DCAF5: variants seen among roughly 807,000 people sequenced by gnomAD.
DCAF5 encodes the protein DDB1 and CUL4 associated factor 5, also known as DDB1- and CUL4-associated factor 5.
A neutral mutation model predicts 80.7 loss-of-function variants in DCAF5; 9 were observed. The ratio of observed to expected loss-of-function variants is 0.11; its 90% CI spans 0.07 to 0.19. The LOEUF is 0.19. Ranked by LOEUF, DCAF5 falls within the 10% of genes least tolerant of loss-of-function variation. The pLI, the probability that DCAF5 is intolerant of heterozygous loss-of-function variation, is 1.00. For missense variants in DCAF5, 842 were observed against 1,205.7 expected (o/e 0.70, Z 4.47); for synonymous variants, 433 against 461.9 (o/e 0.94, Z 0.80).
intron 1 of DCAF5, among the ~76,000 whole-genome samples, chr14:69,146,569 G>C (rs767799579): frequency 7.3e-5 from 11 of 151,662 alleles, no homozygotes; most frequent in African/African-American, 1.2e-4. Flanking sequence ...TAGCAAACCA[G>C]AGGAAAAAAA....
chr14:69,127,395 C>T lies in DCAF5; in HGVS notation c.215-5035G>A, dbSNP rs114099921. Among the ~76,000 whole-genome samples, 192 of 152,264 alleles carry T rather than the reference C, an allele frequency of 1.3e-3. 1 individual carries two copies. The highest frequency in any genetic ancestry group is 4.4e-3 in the African/African-American group (183 of 41,558). ...AATGAAAAAAGCCAATCTGAAAAGG[C>T]TACATACTGTATGACTTCAACTCTA... On this transcript the variant is annotated intron_variant, in intron 1 of 8. Coordinates refer to ENST00000341516, the MANE Select transcript of DCAF5 (RefSeq NM_003861.3).
In DCAF5 at chr14:69,053,787, G is replaced by C. The variant is rs189780129; in HGVS notation, c.*70C>G. ...TTAATACTTGTTTTTCCTTTCCTCT[G>C]TATTCACTAAACAATTTTTTTTTTT... On this transcript the variant is annotated 3_prime_UTR_variant, in exon 9 of 9. Coordinates refer to ENST00000341516, the MANE Select transcript of DCAF5 (RefSeq NM_003861.3). 184 of 1,438,408 alleles carry C rather than the reference G, an allele frequency of 1.3e-4. No individual in the cohort carries two copies. In the East Asian group the frequency reaches 3.7e-3, roughly 29 times the overall value. The allele number at this position is 1,438,408 out of a possible 1,614,324, so 89.1% of individuals were successfully genotyped here.
intron 1 of DCAF5, among the ~76,000 whole-genome samples, chr14:69,126,131 G>T (rs1488226660): frequency 3.5e-5 from 5 of 142,956 alleles, no homozygotes; most frequent in Admixed American, 2.8e-4. Flanking sequence ...CAAAATCAAA[G>T]AACTAAATAA....
intron 7 of DCAF5, among the ~76,000 whole-genome samples, chr14:69,064,080 G>T (rs1304114202): frequency 6.6e-6 from 1 of 152,158 alleles, no homozygotes; most frequent in East Asian, 1.9e-4. Flanking sequence ...GCCATGGTGG[G>T]AACCCCTAGC....
At position 69,105,929 on chromosome 14, in the gene DCAF5, ATATATATATATATAT is replaced by A. The variant is rs1303710283; in HGVS notation, c.665+10422_665+10436del. 1.9e-4 allele frequency among the ~76,000 whole-genome samples: 16 copies of A among 83,012 alleles called. 2 individuals carry two copies. The highest frequency in any genetic ancestry group is 7.0e-4 in the Admixed American group (6 of 8,628). The allele number at this position is 83,012 out of a possible 152,430, so 54.5% of individuals were successfully genotyped here. On this transcript the variant is annotated intron_variant, in intron 5 of 8. Transcript: ENST00000341516. Reference sequence around the variant, plus strand: ...AATAAACTGTCATATATATATATATATATATATATATATATATCTCCTATTGGTTCTGTTCCTCTG... The same window carrying A: ...AATAAACTGTCATATATATATATATAATCTCCTATTGGTTCTGTTCCTCTG...
At chr14:69,116,257 C>A in intron 5 of DCAF5, 109 bp downstream of exon 5, 1 of 1,325,524 alleles carries the variant, frequency 7.5e-7, no homozygotes, top group Non-Finnish European at 1.0e-6. Flanking sequence ...AAGAAATGCC[C>A]AGCAGAGATA....
At chr14:69,139,339 C>T (rs766654912) in intron 1 of DCAF5, among the ~76,000 whole-genome samples, 6 of 151,200 alleles carry the variant, frequency 4.0e-5, no homozygotes, top group Non-Finnish European at 8.9e-5. Context: ...TAAAAATTAG[C>T]TGGACGTGGT....
intron 5 of DCAF5, among the ~76,000 whole-genome samples, chr14:69,092,496 T>C (rs2039567345): frequency 6.6e-6 from 1 of 152,130 alleles, no homozygotes; most frequent in Non-Finnish European, 1.5e-5. Context: ...CATGTGCCTG[T>C]AGTCCCAGCT....
At chr14:69,133,259 C>A (rs2041093420) in intron 1 of DCAF5, among the ~76,000 whole-genome samples, 1 of 152,164 alleles carries the variant, frequency 6.6e-6, no homozygotes. Context: ...GCTCCAGAAA[C>A]CATGCTCCTT....
chr14:69,152,679 G>T lies in DCAF5; in HGVS notation c.214+86C>A. On this transcript the variant is annotated intron_variant, in intron 1 of 8. Transcript: ENST00000341516. This position sits in a 1 kb window ranked among gnomAD's most constrained non-coding sequence, Gnocchi z 4.1. ...AGAAAGGGAGGGGGTGGGGACAGAG[G>T]GCAGGAGGAGGGTGACGGGGGAGAG... 1 of 1,004,050 alleles carries T rather than the reference G, an allele frequency of 1.0e-6. No homozygotes were observed. The highest frequency in any genetic ancestry group is 1.5e-6 in the Non-Finnish European group (1 of 677,360). 62.2% of individuals were successfully genotyped at this position (1,004,050 alleles called of 1,614,324 possible). A position where few individuals can be genotyped will look rare whatever the true frequency, so the allele number is the denominator to read the frequency against.
chr14:69,128,522 T>G (rs142579821), intron 1 of DCAF5, among the ~76,000 whole-genome samples: 3 of 152,068 alleles, frequency 2.0e-5, no homozygotes, highest in African/African-American at 7.2e-5. Flanking sequence ...TTAATGTTCA[T>G]GATAGAAAAA....
intron 6 of DCAF5, among the ~76,000 whole-genome samples, chr14:69,081,840 T>C (rs2039116612): frequency 6.6e-6 from 1 of 152,208 alleles, no homozygotes; most frequent in African/African-American, 2.4e-5. Context: ...GAAGGAAACA[T>C]ATCAATCAGT....
At chr14:69,094,476 A>G (rs2001355) in intron 5 of DCAF5, among the ~76,000 whole-genome samples, 100,527 of 152,034 alleles carry the variant, frequency 0.66, 33,821 homozygotes, top group East Asian at 0.97. Flanking sequence ...AAGGAATCTC[A>G]CTCCTAGAAT....
At chr14:69,116,331 G>T in intron 5 of DCAF5, 35 bp downstream of exon 5, 3 of 1,590,014 alleles carry the variant, frequency 1.9e-6, no homozygotes, top group African/African-American at 1.3e-5. Flanking sequence ...TGAGGCAGAG[G>T]AAAGTTTTAA....
chr14:69,075,511 T>C, intron 6 of DCAF5, 100 bp from the exon 7 acceptor site: 1 of 650,800 alleles, frequency 1.5e-6, no homozygotes, highest in Non-Finnish European at 2.2e-6. Flanking sequence ...AGATGGAGTC[T>C]TGCTCTGTTG....
At chr14:69,120,951 G>A (rs2040700657) in intron 2 of DCAF5, among the ~76,000 whole-genome samples, 1 of 152,176 alleles carries the variant, frequency 6.6e-6, no homozygotes. Flanking sequence ...CATGGAGAAG[G>A]AGACCTTTGA....
intron 1 of DCAF5, among the ~76,000 whole-genome samples, chr14:69,150,065 T>C (rs535757055): frequency 2.8e-4 from 42 of 152,316 alleles, no homozygotes; most frequent in African/African-American, 9.6e-4. Flanking sequence ...GTACTCATAA[T>C]GGAAGGTAAA....
chr14:69,110,548 G>A (rs1176880598), intron 5 of DCAF5, among the ~76,000 whole-genome samples: 2 of 152,002 alleles, frequency 1.3e-5, no homozygotes, highest in Admixed American at 1.3e-4. Flanking sequence ...GATTACAGGC[G>A]TGAGCCACTG....
At position 69,152,930 on chromosome 14, in the gene DCAF5, A is replaced by G. The variant is rs758424053; in HGVS notation, c.49T>C (p.Phe17Leu). The change falls in exon 1 of 9, where the codon TTC becomes CTC. Residue 17 changes from phenylalanine to leucine, a missense_variant. Transcript: ENST00000341516. The surrounding 1 kb of genome is among the most constrained non-coding windows in gnomAD (Gnocchi z 4.1). ...CCATGCAAGCCCCGCTGGGACAAGA[A>G]GCCCACCACTGACCTCATGCTGCCC... ...LGGSMRSVVGFLSQRGLHGDP... is the reference protein window; with the variant it reads ...LGGSMRSVVGLLSQRGLHGDP... 6.2e-7 allele frequency: 1 copy of G among 1,613,482 alleles called. No homozygotes were observed. Among genetic ancestry groups the G allele is most frequent in the Non-Finnish European group, 8.5e-7 (1 of 1,179,960 alleles).
Sources: allele counts gnomAD v4.1 joint callset (sites outside exome capture counted in the v4.1 genomes callset), GRCh38; gene constraint gnomAD v4.1.1; non-coding constraint Gnocchi (gnomAD v3.1); transcripts MANE v1.5; gene names NCBI Gene and HGNC (gene_info 2026-07-23, HGNC 2026-07-21).